Variants in PTPRR observed in about 807,000 individuals in gnomAD.
The protein encoded by PTPRR is protein tyrosine phosphatase receptor type R, also known as receptor-type tyrosine-protein phosphatase R.
In PTPRR, 38 loss-of-function variants were observed where a neutral mutation model predicts 77.2. That is an observed-to-expected ratio of 0.49 (90% CI 0.38 to 0.65). The LOEUF is 0.65. Ranked by LOEUF, PTPRR falls within the 30% of genes least tolerant of loss-of-function variation. PTPRR has a pLI of 0.00. For missense variants in PTPRR, 744 were observed against 799.2 expected (o/e 0.93, Z 0.83); for synonymous variants, 299 against 283.1 (o/e 1.06, Z -0.57).
chr12:70,721,356 C>A (rs756562629), intron 6 of PTPRR, among the ~76,000 whole-genome samples: 9 of 152,100 alleles, frequency 5.9e-5, no homozygotes, highest in Non-Finnish European at 1.0e-4. Context: ...TGAGGGGCAC[C>A]GCTATTGTGA....
intron 3 of PTPRR, among the ~76,000 whole-genome samples, chr12:70,764,146 C>T (rs1415737453): frequency 6.6e-6 from 1 of 151,844 alleles, no homozygotes; most frequent in Non-Finnish European, 1.5e-5. Context: ...TTTAAAATGC[C>T]CTGCCTTGTG....
At chr12:70,898,458 C>A (rs958798305) in intron 1 of PTPRR, among the ~76,000 whole-genome samples, 2 of 148,928 alleles carry the variant, frequency 1.3e-5, no homozygotes, top group African/African-American at 2.4e-5. Flanking sequence ...CTTTTTTTAA[C>A]TCCTTGATAC....
rs149197815 is a variant in PTPRR, at chr12:70,841,102, C to A, written c.357+51577G>T. Reference sequence around the variant, plus strand: ...GAATTTCCTGCACTAAACCTTTTCCCTGCCCCAGAAAAGCCATATGGTCAG... The same window carrying A: ...GAATTTCCTGCACTAAACCTTTTCCATGCCCCAGAAAAGCCATATGGTCAG... On this transcript the variant is annotated intron_variant, in intron 2 of 13. Coordinates refer to ENST00000283228, the MANE Select transcript of PTPRR (RefSeq NM_002849.4). Among the ~76,000 whole-genome samples the A allele has an allele frequency of 2.6e-3, 400 of 151,686 alleles. 4 individuals carry two copies. The highest frequency in any genetic ancestry group is 0.014 in the Middle Eastern group (4 of 294).
At chr12:70,704,285 G>T (rs1380991501) in intron 6 of PTPRR, among the ~76,000 whole-genome samples, 3 of 151,890 alleles carry the variant, frequency 2.0e-5, no homozygotes, top group Non-Finnish European at 4.4e-5. Context: ...AAGTGTTGTG[G>T]TGCTTGCCTG....
rs1481378896 is a variant in PTPRR, at chr12:70,672,449, C to T, written c.1498-9844G>A. ...GGCAAGCACATCAAGGCCACAGATG[C>T]CATGGCCCATGTGGCTGGCTTCACT... On this transcript the variant is annotated intron_variant, in intron 10 of 13. Transcript: ENST00000283228. 13 of 1,079,104 alleles carry T rather than the reference C, an allele frequency of 1.2e-5. No homozygotes were observed. The Admixed American group carries it at 1.7e-4, about 14-fold the overall frequency. The allele number at this position is 1,079,104 out of a possible 1,614,324, so 66.8% of individuals were successfully genotyped here. A position where few individuals can be genotyped will look rare whatever the true frequency, so the allele number is the denominator to read the frequency against.
rs1893390992 is a variant in PTPRR at position 70,894,447 on chromosome 12, G to A, written c.59-1470C>T. Among the ~76,000 whole-genome samples the A allele has an allele frequency of 2.0e-5, 3 of 151,492 alleles. No individual in the cohort carries two copies. The Admixed American group carries it at 2.0e-4, about 10-fold the overall frequency. Reference sequence around the variant, plus strand: ...TCAGTGGTATTAGAAAAGTAAACCAGGATGAAAGTAGTATATTATTTTATT... The same window carrying A: ...TCAGTGGTATTAGAAAAGTAAACCAAGATGAAAGTAGTATATTATTTTATT... On this transcript the variant is annotated intron_variant, in intron 1 of 13. Transcript: ENST00000283228.
At chr12:70,870,190 C>T (rs1391233406) in intron 2 of PTPRR, among the ~76,000 whole-genome samples, 1 of 152,098 alleles carries the variant, frequency 6.6e-6, no homozygotes, top group Non-Finnish European at 1.5e-5. Context: ...CTGATCAGAC[C>T]ATTTCCAAAG....
rs149967530 is a variant in PTPRR, at chr12:70,685,377, G to A, written c.1280-594C>T. ...GATTCATTTCGAGGCTGGGCACAGT[G>A]GCTTACACTGTAATCTCAGCACTTT... is the stretch of plus-strand genomic sequence containing the variant. On this transcript the variant is annotated intron_variant, in intron 8 of 13. Coordinates refer to ENST00000283228, the MANE Select transcript of PTPRR (RefSeq NM_002849.4). 3.4e-3 allele frequency among the ~76,000 whole-genome samples: 511 copies of A among 149,384 alleles called. 2 individuals carry two copies. Among genetic ancestry groups the A allele is most frequent in the African/African-American group, 0.012 (483 of 40,582 alleles).
intron 6 of PTPRR, among the ~76,000 whole-genome samples, chr12:70,721,448 C>G (rs556968360): frequency 1.3e-5 from 2 of 152,170 alleles, no homozygotes; most frequent in Non-Finnish European, 2.9e-5. Flanking sequence ...AGCAGGCACA[C>G]GGTGGATAGC....
At chr12:70,899,035 A>G (rs1893484698) in intron 1 of PTPRR, among the ~76,000 whole-genome samples, 1 of 151,596 alleles carries the variant, frequency 6.6e-6, no homozygotes, top group Non-Finnish European at 1.5e-5. Flanking sequence ...TGAAATAAAT[A>G]ATCTAAATTG....
chr12:70,814,391 G>A (rs972418754), intron 2 of PTPRR, among the ~76,000 whole-genome samples: 1 of 152,104 alleles, frequency 6.6e-6, no homozygotes, highest in Non-Finnish European at 1.5e-5. Context: ...CCTAGATCCC[G>A]GTGCCCCTTT....
chr12:70,705,436 C>T (rs1888583467), intron 6 of PTPRR, among the ~76,000 whole-genome samples: 1 of 151,934 alleles, frequency 6.6e-6, no homozygotes, highest in Admixed American at 6.6e-5. Flanking sequence ...ACTTTTTTTG[C>T]AGTACTTTGG....
chr12:70,805,407 G>A (rs1159264592), intron 2 of PTPRR, among the ~76,000 whole-genome samples: 5 of 152,064 alleles, frequency 3.3e-5, no homozygotes, highest in Non-Finnish European at 1.5e-5. Context: ...TGTGATCATA[G>A]CTCCCTGAAG....
At chr12:70,693,026 T>G (rs1052693570) in intron 8 of PTPRR, among the ~76,000 whole-genome samples, 17 of 152,168 alleles carry the variant, frequency 1.1e-4, no homozygotes, top group Admixed American at 2.0e-4. Flanking sequence ...TTCTAGATAT[T>G]TTTTTCTTTT....
chr12:70,825,799 T>C (rs1476556871), intron 2 of PTPRR, among the ~76,000 whole-genome samples: 1 of 152,166 alleles, frequency 6.6e-6, no homozygotes, highest in African/African-American at 2.4e-5. Context: ...GCACTGTGCC[T>C]GGTATGAAAA....
At chr12:70,886,118 T>C (rs139485941) in intron 2 of PTPRR, among the ~76,000 whole-genome samples, 2 of 152,282 alleles carry the variant, frequency 1.3e-5, no homozygotes, top group East Asian at 3.9e-4. Context: ...GCCTCTAGCT[T>C]TTCCAGAGTG....
At chr12:70,869,213 A>G (rs939920911) in intron 2 of PTPRR, among the ~76,000 whole-genome samples, 2 of 152,144 alleles carry the variant, frequency 1.3e-5, no homozygotes, top group African/African-American at 2.4e-5. Context: ...AATACTTAAA[A>G]TGTATTTTTA....
intron 2 of PTPRR, among the ~76,000 whole-genome samples, chr12:70,821,249 G>T: frequency 3.1e-5 from 1 of 32,502 alleles, no homozygotes; most frequent in African/African-American, 7.4e-5. Flanking sequence ...TTTTAGGACA[G>T]AGTTTCACTC....
At chr12:70,786,838 T>C (rs1891332360) in intron 2 of PTPRR, among the ~76,000 whole-genome samples, 1 of 152,200 alleles carries the variant, frequency 6.6e-6, no homozygotes, top group Non-Finnish European at 1.5e-5. Flanking sequence ...AAAAACTCTA[T>C]GATTTAATGT....
Sources: allele counts gnomAD v4.1 joint callset (sites outside exome capture counted in the v4.1 genomes callset), GRCh38; gene constraint gnomAD v4.1.1; transcripts MANE v1.5; gene names NCBI Gene and HGNC (gene_info 2026-07-23, HGNC 2026-07-21).